CDH12: variants seen among roughly 807,000 people sequenced by gnomAD.
The protein encoded by CDH12 is cadherin-12.
CDH12 carries 41 observed loss-of-function variants against 74.1 expected under a neutral mutation model. That is an observed-to-expected ratio of 0.55 (90% CI 0.43 to 0.72). CDH12 has a LOEUF of 0.72. Among genes scored for constraint, CDH12 ranks in the 30% least tolerant of loss-of-function variants. The pLI is 0.00. For missense variants in CDH12, 945 were observed against 977.2 expected (o/e 0.97, Z 0.44); for synonymous variants, 399 against 355.0 (o/e 1.12, Z -1.39).
chr5:22,782,768 A>G (rs566434909), intron 1 of CDH12, among the ~76,000 whole-genome samples: 61 of 152,278 alleles, frequency 4.0e-4, no homozygotes, highest in Non-Finnish European at 7.2e-4. Context: ...TTTTAATTAC[A>G]TATCGTATGT....
intron 2 of CDH12, among the ~76,000 whole-genome samples, chr5:22,423,869 G>T (rs1743765196): frequency 6.6e-6 from 1 of 151,710 alleles, no homozygotes; most frequent in Non-Finnish European, 1.5e-5. Context: ...CGGGCGTGTT[G>T]GCGGGCGCCT....
intron 5 of CDH12, among the ~76,000 whole-genome samples, chr5:22,017,052 G>A (rs1737653776): frequency 6.6e-6 from 1 of 152,046 alleles, no homozygotes; most frequent in Admixed American, 6.6e-5. Context: ...CAAGCTAACT[G>A]GATCAAGGGT....
chr5:22,036,774 T>A lies in CDH12; in HGVS notation c.231+41672A>T, dbSNP rs189117139. 5.9e-5 allele frequency among the ~76,000 whole-genome samples: 9 copies of A among 152,318 alleles called. 1 individual carries two copies. The East Asian group carries it at 1.7e-3, about 29-fold the overall frequency. On this transcript the variant is annotated intron_variant, in intron 5 of 14. Transcript: ENST00000382254. The stretch of plus-strand genomic sequence containing the variant: ...GTTTTAAGACCCTATAAAGATTTCA[T>A]ATGAAAATATTTTTAATAACATATT...
chr5:22,562,052 T>A (rs1317241368), intron 1 of CDH12, among the ~76,000 whole-genome samples: 1 of 152,188 alleles, frequency 6.6e-6, no homozygotes, highest in Non-Finnish European at 1.5e-5. Context: ...GCGCGGTGGC[T>A]CACGCCTGTA....
intron 1 of CDH12, among the ~76,000 whole-genome samples, chr5:22,686,325 T>TGG (rs1203771537): frequency 6.6e-6 from 1 of 152,178 alleles, no homozygotes; most frequent in Non-Finnish European, 1.5e-5. Flanking sequence ...TCCCATACTA[T>TGG]GGGTTGTCTT....
At chr5:22,004,756 G>A (rs998663141) in intron 5 of CDH12, among the ~76,000 whole-genome samples, 10 of 152,116 alleles carry the variant, frequency 6.6e-5, no homozygotes, top group African/African-American at 2.4e-4. Context: ...CACCCATAAA[G>A]TAAACATTGT....
chr5:22,656,339 C>G (rs1038098314), intron 1 of CDH12, among the ~76,000 whole-genome samples: 1 of 152,150 alleles, frequency 6.6e-6, no homozygotes, highest in Non-Finnish European at 1.5e-5. Flanking sequence ...AAGCCACTCA[C>G]TTTAAAAATA....
At chr5:22,246,582 TGAAAAA>T (rs759834225) in intron 3 of CDH12, among the ~76,000 whole-genome samples, 50 of 152,156 alleles carry the variant, frequency 3.3e-4, no homozygotes, top group Admixed American at 6.5e-4. Context: ...GGCTCAATCT[TGAAAAA>T]GAAAACAAAG....
intron 1 of CDH12, among the ~76,000 whole-genome samples, chr5:22,721,872 G>A (rs552706062): frequency 1.3e-5 from 2 of 152,082 alleles, no homozygotes; most frequent in South Asian, 2.1e-4. Context: ...TTGTGAAGAA[G>A]GTGCTTGCTT....
chr5:22,285,079 CA>C (rs1246660564), intron 3 of CDH12, among the ~76,000 whole-genome samples: 1 of 151,704 alleles, frequency 6.6e-6, no homozygotes, highest in African/African-American at 2.4e-5. Flanking sequence ...ATTTATCTTA[CA>C]AATTCATGGA....
chr5:21,862,411 C>A (rs1049572567), intron 6 of CDH12, among the ~76,000 whole-genome samples: 1 of 152,080 alleles, frequency 6.6e-6, no homozygotes, highest in Non-Finnish European at 1.5e-5. Flanking sequence ...TAAAATCATT[C>A]TTATTGGTAC....
chr5:22,556,057 TAA>T (rs35517918), intron 1 of CDH12, among the ~76,000 whole-genome samples: 43 of 148,542 alleles, frequency 2.9e-4, no homozygotes, highest in African/African-American at 7.1e-4. Context: ...TCTGAGAATT[TAA>T]AAAAAAAAAA....
intron 11 of CDH12, among the ~76,000 whole-genome samples, chr5:21,777,507 G>C (rs1745656478): frequency 6.8e-6 from 1 of 147,078 alleles, no homozygotes; most frequent in African/African-American, 2.5e-5. Flanking sequence ...AAATTACTTT[G>C]ATAATTGTTA....
chr5:22,037,067 A>C (rs987875187), intron 5 of CDH12, among the ~76,000 whole-genome samples: 1 of 152,208 alleles, frequency 6.6e-6, no homozygotes, highest in Non-Finnish European at 1.5e-5. Flanking sequence ...AATTAGAAAA[A>C]CATGAATAAA....
intron 4 of CDH12, among the ~76,000 whole-genome samples, chr5:22,096,581 C>T (rs763837565): frequency 9.2e-5 from 14 of 152,252 alleles, no homozygotes; most frequent in Middle Eastern, 3.4e-3. Flanking sequence ...ACACCTGGTC[C>T]GGCTTACAGT....
intron 5 of CDH12, among the ~76,000 whole-genome samples, chr5:22,009,954 A>AAG (rs1193998809): frequency 1.3e-4 from 19 of 151,164 alleles, no homozygotes; most frequent in African/African-American, 4.6e-4. Context: ...AAAAAAAAAA[A>AAG]AAAAAGAAAA....
intron 11 of CDH12, among the ~76,000 whole-genome samples, chr5:21,780,930 T>C (rs751146835): frequency 4.6e-5 from 7 of 152,060 alleles, no homozygotes; most frequent in Non-Finnish European, 5.9e-5. Flanking sequence ...GGAGGGGAGA[T>C]AGATGCCAGG....
At chr5:22,520,776 A>C (rs924270348) in intron 1 of CDH12, among the ~76,000 whole-genome samples, 1 of 152,144 alleles carries the variant, frequency 6.6e-6, no homozygotes, top group Non-Finnish European at 1.5e-5. Flanking sequence ...TTTGTATATA[A>C]CTACAAGTGT....
intron 5 of CDH12, among the ~76,000 whole-genome samples, chr5:22,018,053 C>T (rs754639734): frequency 6.6e-6 from 1 of 152,124 alleles, no homozygotes; most frequent in African/African-American, 2.4e-5. Flanking sequence ...GCCATCGTGT[C>T]CGGCTGCCTT....
Sources: gnomAD v4.1 joint callset for allele counts (sites outside exome capture counted in the v4.1 genomes callset) on GRCh38, gnomAD v4.1.1 for gene constraint, MANE v1.5 for transcripts, NCBI Gene and HGNC (gene_info 2026-07-23, HGNC 2026-07-21) for gene names.